The following CCDC18 variants were observed in gnomAD, a reference collection of about 807,000 sequenced individuals.
CCDC18 encodes the protein coiled-coil domain-containing protein 18.
CCDC18 carries 157 observed loss-of-function variants against 196.0 expected under a neutral mutation model. The ratio of observed to expected loss-of-function variants is 0.80; its 90% CI spans 0.70 to 0.91. CCDC18 has a LOEUF of 0.91. Ranked by LOEUF, CCDC18 falls within the 40% of genes least tolerant of loss-of-function variation. CCDC18 has a pLI of 0.00. For synonymous variants in CCDC18, 482 were observed against 529.2 expected (o/e 0.91, Z 1.22); for missense variants, 1,465 against 1,611.6 (o/e 0.91, Z 1.56).
chr1:93,222,487 T>TA (rs1657604705), intron 16 of CCDC18, among the ~76,000 whole-genome samples: 1 of 152,210 alleles, frequency 6.6e-6, no homozygotes, highest in Non-Finnish European at 1.5e-5. Context: ...TGCTTGTTTT[T>TA]ATCAGTTGGC....
intron 24 of CCDC18, among the ~76,000 whole-genome samples, chr1:93,255,312 GATAA>G (rs1316518520): frequency 1.3e-5 from 2 of 152,098 alleles, no homozygotes; most frequent in African/African-American, 2.4e-5. Flanking sequence ...CAAAAGAATG[GATAA>G]ATAAATAATT....
chr1:93,270,847 T>TA (rs1468543944), intron 28 of CCDC18, 33 bp downstream of exon 28: 1 of 1,372,526 alleles, frequency 7.3e-7, no homozygotes, highest in Non-Finnish European at 9.5e-7. Context: ...ACTGTAATAA[T>TA]TTGTTTCCAA....
At chr1:93,215,912 G>A (rs950343240) in intron 12 of CCDC18, among the ~76,000 whole-genome samples, 2 of 152,202 alleles carry the variant, frequency 1.3e-5, no homozygotes, top group African/African-American at 4.8e-5. Context: ...TTTCACTGAG[G>A]ACAGGATAAG....
chr1:93,247,816 A>G (rs1456095701), intron 23 of CCDC18, among the ~76,000 whole-genome samples: 1 of 151,840 alleles, frequency 6.6e-6, no homozygotes, highest in Admixed American at 6.6e-5. Flanking sequence ...CTCTCTTTCC[A>G]ATTTGGATGC....
At chr1:93,211,071 T>TC (rs1655544130) in intron 10 of CCDC18, 145 bp downstream of exon 10, 2 of 731,490 alleles carry the variant, frequency 2.7e-6, no homozygotes, top group Non-Finnish European at 4.4e-6. Flanking sequence ...GGTCAGGAGT[T>TC]CGAGACCAGC....
chr1:93,252,345 A>G (rs543594225), intron 23 of CCDC18, among the ~76,000 whole-genome samples: 3 of 152,172 alleles, frequency 2.0e-5, no homozygotes, highest in Non-Finnish European at 2.9e-5. Context: ...TTCTGATTAT[A>G]TATTTTCAAA....
In CCDC18 at chr1:93,226,411, G is replaced by C; in HGVS notation, c.2254G>C (p.Glu752Gln). The C allele has an allele frequency of 1.3e-6, 2 of 1,573,306 alleles. No homozygotes were observed. The highest frequency in any genetic ancestry group is 1.7e-6 in the Non-Finnish European group (2 of 1,147,530). ...TTTGAATCAATTGGAAGGAAATAAGGAAAAGTTTGAAAAACAGTTAAAGAA... is the reference window on the plus strand; with the variant it reads ...TTTGAATCAATTGGAAGGAAATAAGCAAAAGTTTGAAAAACAGTTAAAGAA... ...LHLNQLEGNKEKFEKQLKKKS... is the reference protein window; with the variant it reads ...LHLNQLEGNKQKFEKQLKKKS... The change falls in exon 17 of 29, where the codon GAA becomes CAA. Residue 752 changes from glutamate (E) to glutamine (Q), a missense_variant. Physicochemically the swap from Glu to Gln is conservative, Grantham distance 29. Coordinates refer to ENST00000690025, the MANE Select transcript of CCDC18 (RefSeq NM_001378204.1).
Position 93,258,728 on chromosome 1 carries a change from C to G in CCDC18, c.3547-20C>G. ...AAATAAACAAGTTTTATAGCTTTTA[C>G]TCAATATGTCATTTTTAAGGATGCT... is the stretch of plus-strand genomic sequence containing the variant. On this transcript the variant is annotated intron_variant, in intron 25 of 28. Transcript: ENST00000690025. The G allele has an allele frequency of 6.6e-7, 1 of 1,513,214 alleles. No homozygotes were observed. The highest frequency in any genetic ancestry group is 1.3e-5 in the South Asian group (1 of 74,624). The allele number at this position is 1,513,214 out of a possible 1,614,324, so 93.7% of individuals were successfully genotyped here. A position where few individuals can be genotyped will look rare whatever the true frequency, so the allele number is the denominator to read the frequency against.
chr1:93,219,411 T>C (rs1657049493), intron 14 of CCDC18, among the ~76,000 whole-genome samples: 1 of 152,230 alleles, frequency 6.6e-6, no homozygotes, highest in South Asian at 2.1e-4. Context: ...ATATCCAAAT[T>C]GGATCTGCAT....
intron 12 of CCDC18, 100 bp from the exon 13 acceptor site, chr1:93,216,536 A>G (rs1391263765): frequency 7.1e-5 from 39 of 550,510 alleles, no homozygotes; most frequent in Non-Finnish European, 1.0e-4. Context: ...ACCTAGACAC[A>G]ATGTATTTGA....
intron 22 of CCDC18, 77 bp downstream of exon 22, chr1:93,246,281 T>A (rs1197918677): frequency 1.0e-6 from 1 of 998,258 alleles, no homozygotes; most frequent in African/African-American, 1.7e-5. Context: ...GGTCACCAAT[T>A]TTTTGTAAAA....
intron 27 of CCDC18, among the ~76,000 whole-genome samples, chr1:93,266,879 G>A (rs971440785): frequency 5.9e-5 from 9 of 152,158 alleles, no homozygotes; most frequent in East Asian, 1.9e-4. Flanking sequence ...AGAGGAGCTG[G>A]TACCATTCCT....
intron 13 of CCDC18, 64 bp downstream of exon 13, chr1:93,216,810 C>A: frequency 1.3e-6 from 1 of 758,328 alleles, no homozygotes; most frequent in Non-Finnish European, 2.2e-6. Flanking sequence ...TGTGACAGCA[C>A]ATTTGTTTTA....
chr1:93,189,297 G>T (rs1651300669), intron 4 of CCDC18, among the ~76,000 whole-genome samples: 1 of 152,184 alleles, frequency 6.6e-6, no homozygotes, highest in Admixed American at 6.5e-5. Context: ...TGTTGCAAAT[G>T]ACTGATTCTT....
At chr1:93,190,698 C>A in intron 4 of CCDC18, 29 of 330,850 alleles carry the variant, frequency 8.8e-5, no homozygotes, top group South Asian at 9.0e-5. Flanking sequence ...TTAACATAAA[C>A]TCAAGATTTT....
intron 7 of CCDC18, among the ~76,000 whole-genome samples, chr1:93,204,759 T>G (rs548049842): frequency 8.8e-4 from 134 of 152,096 alleles, no homozygotes; most frequent in African/African-American, 3.2e-3. Context: ...TTTTTTAAAT[T>G]TTATTATTAT....
At position 93,270,351 on chromosome 1, in the gene CCDC18, C is replaced by G; in HGVS notation, c.3890C>G (p.Ser1297Ter). Residue 1297 changes from serine to a stop codon, truncating the protein, a stop_gained, in exon 28 of 29, where the codon TCA (serine) becomes TGA (stop). Coordinates refer to ENST00000690025, the MANE Select transcript of CCDC18 (RefSeq NM_001378204.1). LOFTEE classifies it high-confidence loss of function. ...AANEALLTKE[S>*]ELTRLQAKIS... ...TATGTACCAATTTATCTGCAGGAAT[C>G]AGAATTAACCAGATTACAGGCCAAA... The G allele has an allele frequency of 6.5e-7, 1 of 1,530,230 alleles. No individual in the cohort carries two copies. Among genetic ancestry groups the G allele is most frequent in the Non-Finnish European group, 8.8e-7 (1 of 1,131,710 alleles). The allele number at this position is 1,530,230 out of a possible 1,614,324, so 94.8% of individuals were successfully genotyped here. A position where few individuals can be genotyped will look rare whatever the true frequency, so the allele number is the denominator to read the frequency against.
intron 27 of CCDC18, among the ~76,000 whole-genome samples, chr1:93,265,596 G>C (rs926882268): frequency 1.3e-5 from 2 of 152,104 alleles, no homozygotes; most frequent in African/African-American, 4.8e-5. Context: ...TGTTAATTGT[G>C]ATTTTAAGAA....
At chr1:93,228,837 G>A (rs1658812853) in intron 17 of CCDC18, among the ~76,000 whole-genome samples, 1 of 152,204 alleles carries the variant, frequency 6.6e-6, no homozygotes. Context: ...AGGAGAATCT[G>A]TTGAGCTTTA....
Sources: gnomAD v4.1 joint callset for allele counts (sites outside exome capture counted in the v4.1 genomes callset) on GRCh38, gnomAD v4.1.1 for gene constraint, MANE v1.5 for transcripts, NCBI Gene and HGNC (gene_info 2026-07-23, HGNC 2026-07-21) for gene names.